Variants in EPHB2 observed in about 807,000 individuals in gnomAD.
The protein encoded by EPHB2 is ephrin type-B receptor 2.
EPHB2 carries 18 observed loss-of-function variants against 96.4 expected under a neutral mutation model. The observed-to-expected ratio is 0.19, with a 90% CI of 0.13 to 0.28. The LOEUF (loss-of-function observed/expected upper bound fraction) is 0.28. Ranked by LOEUF, EPHB2 falls within the 10% of genes least tolerant of loss-of-function variation. EPHB2 has a pLI of 1.00. For missense variants in EPHB2, 989 were observed against 1,355.4 expected (o/e 0.73, Z 4.25); for synonymous variants, 506 against 534.1 (o/e 0.95, Z 0.72).
intron 3 of EPHB2, among the ~76,000 whole-genome samples, chr1:22,829,635 G>T (rs1197791622): frequency 6.6e-6 from 1 of 152,210 alleles, no homozygotes; most frequent in Non-Finnish European, 1.5e-5. Context: ...GGAGGTGGAC[G>T]TGAATCAAGA....
chr1:22,774,035 C>T (rs1267034396), intron 1 of EPHB2, among the ~76,000 whole-genome samples: 2 of 152,240 alleles, frequency 1.3e-5, no homozygotes, highest in African/African-American at 2.4e-5. Context: ...GAGAGCCAGT[C>T]ATCAGTTTTA....
At chr1:22,717,555 G>A (rs900189350) in intron 1 of EPHB2, among the ~76,000 whole-genome samples, 1 of 152,208 alleles carries the variant, frequency 6.6e-6, no homozygotes, top group Admixed American at 6.5e-5. Context: ...TCCACTCTCT[G>A]AGCCTCAGCT....
chr1:22,761,914 C>A (rs1644241224), intron 1 of EPHB2, among the ~76,000 whole-genome samples: 1 of 152,248 alleles, frequency 6.6e-6, no homozygotes, highest in South Asian at 2.1e-4. Flanking sequence ...AGGGGGGCGT[C>A]CACGTGTCTG....
At chr1:22,824,994 A>C (rs1288551447) in intron 3 of EPHB2, among the ~76,000 whole-genome samples, 1 of 152,222 alleles carries the variant, frequency 6.6e-6, no homozygotes, top group Non-Finnish European at 1.5e-5. Context: ...CACTTTCCTC[A>C]TCTTCTCAAG....
chr1:22,881,426 G>A (rs1454735224), intron 5 of EPHB2, among the ~76,000 whole-genome samples: 3 of 152,086 alleles, frequency 2.0e-5, no homozygotes, highest in South Asian at 2.1e-4. Context: ...GCATGGTGGC[G>A]CACACCTGTG....
At chr1:22,908,297 G>A (rs892229044) in intron 12 of EPHB2, 129 bp downstream of exon 12, 1 of 1,140,220 alleles carries the variant, frequency 8.8e-7, no homozygotes, top group East Asian at 2.6e-5. Flanking sequence ...CTGGAGACAG[G>A]AAGACAGGAA....
chr1:22,723,574 G>A (rs907735948), intron 1 of EPHB2, among the ~76,000 whole-genome samples: 1 of 152,250 alleles, frequency 6.6e-6, no homozygotes, highest in Non-Finnish European at 1.5e-5. Context: ...AGGGTGATGA[G>A]GCTGGGCCCC....
chr1:22,854,461 G>A (rs922252650), intron 3 of EPHB2, among the ~76,000 whole-genome samples: 12 of 152,186 alleles, frequency 7.9e-5, no homozygotes, highest in African/African-American at 2.9e-4. Context: ...GCAGTGAGCC[G>A]TGATTGCACC....
At chr1:22,806,566 G>A (rs1256899310) in intron 3 of EPHB2, among the ~76,000 whole-genome samples, 1 of 152,152 alleles carries the variant, frequency 6.6e-6, no homozygotes, top group Non-Finnish European at 1.5e-5. Context: ...TGGCTTCCCA[G>A]GCCCCAGGAT....
At chr1:22,899,675 A>G (rs1639687909) in intron 9 of EPHB2, among the ~76,000 whole-genome samples, 1 of 152,174 alleles carries the variant, frequency 6.6e-6, no homozygotes, top group South Asian at 2.1e-4. Flanking sequence ...CTACACAGAA[A>G]TAAAAGTCAC....
Position 22,895,638 on chromosome 1 carries a change from C to A in EPHB2, c.1700+58C>A, listed in dbSNP as rs944981890. ...GCTGTCCCAGATGGCTTCTCTCTCT[C>A]TATTCAGTCATCCCTCTACAGTGCT... On this transcript the variant is annotated intron_variant, in intron 8 of 15. Coordinates refer to ENST00000374630, the MANE Select transcript of EPHB2 (RefSeq NM_017449.5). 1.6e-5 allele frequency: 23 copies of A among 1,460,072 alleles called. No individual in the cohort carries two copies. The African/African-American group carries it at 2.1e-4, about 13-fold the overall frequency. 90.4% of individuals were successfully genotyped at this position (1,460,072 alleles called of 1,614,324 possible).
At chr1:22,879,224 C>T (rs1342564252) in intron 5 of EPHB2, among the ~76,000 whole-genome samples, 1 of 152,208 alleles carries the variant, frequency 6.6e-6, no homozygotes, top group African/African-American at 2.4e-5. Context: ...CACACAGACC[C>T]AGTGGTCAGC....
intron 3 of EPHB2, among the ~76,000 whole-genome samples, chr1:22,831,856 A>C (rs1645308641): frequency 6.6e-6 from 1 of 152,068 alleles, no homozygotes; most frequent in African/African-American, 2.4e-5. Flanking sequence ...CAGAGGGCTG[A>C]CCATCATGGG....
chr1:22,719,821 GACTCC>G (rs1244681095), intron 1 of EPHB2, among the ~76,000 whole-genome samples: 1 of 152,170 alleles, frequency 6.6e-6, no homozygotes, highest in Non-Finnish European at 1.5e-5. Context: ...AAAAGTACAG[GACTCC>G]ACTCCTGAAA....
intron 5 of EPHB2, among the ~76,000 whole-genome samples, chr1:22,878,807 C>T (rs1289013456): frequency 6.6e-6 from 1 of 152,338 alleles, no homozygotes; most frequent in African/African-American, 2.4e-5. Flanking sequence ...TGGATGGGAG[C>T]GTCTTGACCT....
intron 1 of EPHB2, among the ~76,000 whole-genome samples, chr1:22,747,563 C>T (rs1236304682): frequency 1.3e-5 from 2 of 152,232 alleles, no homozygotes; most frequent in Non-Finnish European, 2.9e-5. Flanking sequence ...TGAGATGACT[C>T]ACCCACCCAG....
chr1:22,762,818 G>GTA (rs1644253686), intron 1 of EPHB2, among the ~76,000 whole-genome samples: 1 of 152,138 alleles, frequency 6.6e-6, no homozygotes, highest in Non-Finnish European at 1.5e-5. Context: ...GCCCCACACC[G>GTA]TAGCAGGCCT....
intron 1 of EPHB2, among the ~76,000 whole-genome samples, chr1:22,780,062 A>T (rs1644507357): frequency 6.6e-6 from 1 of 152,190 alleles, no homozygotes; most frequent in Non-Finnish European, 1.5e-5. Context: ...TTTCTCTCTC[A>T]GGGCACCCAG....
rs144281742 is a variant in EPHB2, at chr1:22,747,547, G to A, written c.62-33874G>A. 4.6e-3 allele frequency among the ~76,000 whole-genome samples: 697 copies of A among 152,322 alleles called. 7 individuals are homozygous for A. Among genetic ancestry groups the A allele is most frequent in the African/African-American group, 0.015 (623 of 41,572 alleles). On this transcript the variant is annotated intron_variant, in intron 1 of 15. Transcript: ENST00000374630. ...TTGCACAGCCACAGGCAAGGGAGGGGGGCTCTGAGATGACTCACCCACCCA... is the reference window on the plus strand; with the variant it reads ...TTGCACAGCCACAGGCAAGGGAGGGAGGCTCTGAGATGACTCACCCACCCA...
Sources: allele counts gnomAD v4.1 joint callset (sites outside exome capture counted in the v4.1 genomes callset), GRCh38; gene constraint gnomAD v4.1.1; transcripts MANE v1.5; gene names NCBI Gene and HGNC (gene_info 2026-07-23, HGNC 2026-07-21).